The following PIK3CB variants were observed in gnomAD, a reference collection of about 807,000 sequenced individuals.
PIK3CB encodes phosphatidylinositol 4,5-bisphosphate 3-kinase catalytic subunit beta isoform.
PIK3CB carries 39 observed loss-of-function variants against 136.8 expected under a neutral mutation model. The ratio of observed to expected loss-of-function variants is 0.29; its 90% CI spans 0.22 to 0.37. PIK3CB has a LOEUF of 0.37. Ranked by LOEUF, PIK3CB falls within the 10% of genes least tolerant of loss-of-function variation. The probability of loss-of-function intolerance (pLI) is 1.00; values close to 1 mark genes in which losing one functional copy is unlikely to be tolerated. For synonymous variants in PIK3CB, 428 were observed against 436.6 expected (o/e 0.98, Z 0.25); for missense variants, 868 against 1,275.4 (o/e 0.68, Z 4.87).
intron 2 of PIK3CB, among the ~76,000 whole-genome samples, chr3:138,780,640 A>AGT (rs2108787321): frequency 2.3e-5 from 1 of 43,416 alleles, no homozygotes; most frequent in East Asian, 6.9e-3. Flanking sequence ...GTGTGGGCTA[A>AGT]ATGTTTTTAA....
intron 2 of PIK3CB, among the ~76,000 whole-genome samples, chr3:138,769,396 G>C (rs566500176): frequency 6.6e-6 from 1 of 152,184 alleles, no homozygotes; most frequent in Non-Finnish European, 1.5e-5. Context: ...GAAGGGTAAA[G>C]AAGCTCTAAG....
intron 2 of PIK3CB, among the ~76,000 whole-genome samples, chr3:138,794,025 C>T (rs771735885): frequency 2.0e-5 from 3 of 152,134 alleles, no homozygotes; most frequent in African/African-American, 4.8e-5. Flanking sequence ...TGCAATGCCG[C>T]GATCTCAGCT....
At chr3:138,807,936 A>G (rs1223318195) in intron 1 of PIK3CB, among the ~76,000 whole-genome samples, 2 of 151,420 alleles carry the variant, frequency 1.3e-5, no homozygotes, top group Non-Finnish European at 2.9e-5. Flanking sequence ...GCCTTCTCTT[A>G]CTAGTCCAGC....
chr3:138,693,968 A>ATATATATATATATATATATATAT (rs2044077144), intron 14 of PIK3CB, among the ~76,000 whole-genome samples: 34 of 59,024 alleles, frequency 5.8e-4, no homozygotes, highest in Non-Finnish European at 2.3e-4. Flanking sequence ...TATATATATT[A>ATATATATATATATATATATATAT]TATATATATA....
At position 138,705,191 on chromosome 3, in the gene PIK3CB, A is replaced by AAAAAAAAAAAAAAAAT. The variant is rs2044350451; in HGVS notation, c.1531-699_1531-698insATTTTTTTTTTTTTTT. Reference sequence around the variant, plus strand: ...AAAAAAAACAAAAAACAAAACAAACAAAAAAAAAAACTTATATTTGCAAAT... The same window carrying AAAAAAAAAAAAAAAAT: ...AAAAAAAACAAAAAACAAAACAAACAAAAAAAAAAAAAAAATAAAAAAAAAACTTATATTTGCAAAT... On this transcript the variant is annotated intron_variant, in intron 11 of 23. Coordinates refer to ENST00000674063, the MANE Select transcript of PIK3CB (RefSeq NM_006219.3). Among the ~76,000 whole-genome samples, 2 of 93,502 alleles carry AAAAAAAAAAAAAAAAT rather than the reference A, an allele frequency of 2.1e-5. 1 individual carries two copies. 61.3% of individuals were successfully genotyped at this position (93,502 alleles called of 152,430 possible). A position where few individuals can be genotyped will look rare whatever the true frequency, so the allele number is the denominator to read the frequency against.
intron 22 of PIK3CB, 68 bp downstream of exon 22, chr3:138,657,622 T>C: frequency 1.5e-6 from 2 of 1,345,564 alleles, no homozygotes; most frequent in Non-Finnish European, 2.1e-6. Context: ...AGCTAAGAAA[T>C]GCTGGTCCAC....
chr3:138,713,477 C>T (rs2044546594), intron 9 of PIK3CB, among the ~76,000 whole-genome samples: 1 of 152,056 alleles, frequency 6.6e-6, no homozygotes, highest in African/African-American at 2.4e-5. Context: ...CAAGACCAGC[C>T]TGGCCAACAT....
intron 5 of PIK3CB, among the ~76,000 whole-genome samples, chr3:138,742,293 T>C (rs2108670220): frequency 6.6e-6 from 1 of 152,298 alleles, no homozygotes; most frequent in African/African-American, 2.4e-5. Flanking sequence ...TTAACATCCC[T>C]TTAAAACTGT....
intron 1 of PIK3CB, among the ~76,000 whole-genome samples, chr3:138,813,668 C>T (rs1287311255): frequency 2.0e-5 from 3 of 152,002 alleles, no homozygotes; most frequent in South Asian, 2.1e-4. Context: ...CTGCCCGCCT[C>T]GGTCTCCCAA....
At chr3:138,656,314 A>T (rs755365340) in intron 22 of PIK3CB, 40 bp from the exon 23 acceptor site, 3 of 1,609,282 alleles carry the variant, frequency 1.9e-6, no homozygotes, top group Non-Finnish European at 1.7e-6. Flanking sequence ...ACAGTGTTAG[A>T]GGGGAGAGAG....
chr3:138,823,656 T>G (rs1933658546), intron 1 of PIK3CB, among the ~76,000 whole-genome samples: 1 of 152,130 alleles, frequency 6.6e-6, no homozygotes, highest in Non-Finnish European at 1.5e-5. Context: ...TGAGCCGAGA[T>G]GGCGCCACTG....
chr3:138,709,773 G>C (rs982038185), intron 10 of PIK3CB, among the ~76,000 whole-genome samples: 1 of 152,100 alleles, frequency 6.6e-6, no homozygotes, highest in Non-Finnish European at 1.5e-5. Flanking sequence ...TAGTCAAGTT[G>C]GTTGGTGATT....
chr3:138,779,710 T>TTA (rs879646271), intron 2 of PIK3CB, among the ~76,000 whole-genome samples: 1 of 150,908 alleles, frequency 6.6e-6, no homozygotes, highest in Non-Finnish European at 1.5e-5. Context: ...TTTTTTTTTT[T>TTA]AATAGAGACA....
At chr3:138,752,495 A>G (rs2108707555) in intron 4 of PIK3CB, among the ~76,000 whole-genome samples, 1 of 152,314 alleles carries the variant, frequency 6.6e-6, no homozygotes, top group East Asian at 1.9e-4. Context: ...AACTTACTCA[A>G]TTTCTTAAAT....
At chr3:138,711,409 G>T (rs1270459915) in intron 10 of PIK3CB, among the ~76,000 whole-genome samples, 2 of 151,434 alleles carry the variant, frequency 1.3e-5, no homozygotes, top group Non-Finnish European at 2.9e-5. Context: ...GAGAAACCCT[G>T]TCTCTACTAA....
chr3:138,683,316 T>C (rs918116121), intron 18 of PIK3CB, among the ~76,000 whole-genome samples: 28 of 148,898 alleles, frequency 1.9e-4, no homozygotes, highest in African/African-American at 7.0e-4. Context: ...ATCGTGCCAT[T>C]GCACTCCAGG....
At chr3:138,695,931 A>ATTTTTT (rs34470924) in intron 13 of PIK3CB, among the ~76,000 whole-genome samples, 15 of 90,808 alleles carry the variant, frequency 1.7e-4, no homozygotes, top group African/African-American at 4.5e-4. Context: ...AATTTTTTGT[A>ATTTTTT]TTTTTTTTTT....
At chr3:138,708,386 G>A (rs530275701) in intron 10 of PIK3CB, among the ~76,000 whole-genome samples, 1 of 150,124 alleles carries the variant, frequency 6.7e-6, no homozygotes, top group African/African-American at 2.4e-5. Flanking sequence ...TTAGCCTCCT[G>A]AGTAGCTGGG....
At position 138,796,311 on chromosome 3, in the gene PIK3CB, G is replaced by C. The variant is rs537129314; in HGVS notation, c.-17+152C>G. 4.0e-5 allele frequency among the ~76,000 whole-genome samples: 6 copies of C among 148,542 alleles called. No homozygotes were observed. The South Asian group carries it at 6.3e-4, about 16-fold the overall frequency. On this transcript the variant is annotated intron_variant, in intron 2 of 23. Transcript: ENST00000674063. ...GAGGCAGGAGAATTGCTTGAACCCA[G>C]GAGGCAGAGGTTGCAGTGAGCCGAG...
Sources: allele counts gnomAD v4.1 joint callset (sites outside exome capture counted in the v4.1 genomes callset), GRCh38; gene constraint gnomAD v4.1.1; transcripts MANE v1.5; gene names NCBI Gene and HGNC (gene_info 2026-07-23, HGNC 2026-07-21).